Variants in SLC24A3 observed in about 807,000 individuals in gnomAD.
SLC24A3 encodes the protein solute carrier family 24 member 3.
Under a neutral mutation model 75.8 loss-of-function variants are expected in SLC24A3, and 28 were observed. That is an observed-to-expected ratio of 0.37 (90% CI 0.27 to 0.51). The LOEUF (loss-of-function observed/expected upper bound fraction) is 0.51, where lower values mean the gene tolerates loss of function less well. Among genes scored for constraint, SLC24A3 ranks in the 20% least tolerant of loss-of-function variants. The pLI is 0.94. For synonymous variants in SLC24A3, 372 were observed against 334.1 expected (o/e 1.11, Z -1.24); for missense variants, 663 against 847.8 (o/e 0.78, Z 2.71).
At position 19,696,880 on chromosome 20, in the gene SLC24A3, C is replaced by T; in HGVS notation, c.1575C>T (p.Asp525=). 6.2e-7 allele frequency: 1 copy of T among 1,611,580 alleles called. No individual in the cohort carries two copies. The highest frequency in any genetic ancestry group is 8.5e-7 in the Non-Finnish European group (1 of 1,178,920). The change falls in exon 14 of 17, where the codon GAC becomes GAT. Residue 525 remains aspartate, a synonymous_variant. Transcript: ENST00000328041. The part of the protein sequence containing the change: ...TFLAAGTSVP[D]CMASLIVARQ... ...TGGCTGCTGGGACCAGCGTGCCTGA[C>T]TGCATGGCCAGCCTCATTGTGGCCA... is the stretch of plus-strand genomic sequence containing the variant.
chr20:19,700,656 A>G (rs2032860081), intron 15 of SLC24A3, among the ~76,000 whole-genome samples: 1 of 152,196 alleles, frequency 6.6e-6, no homozygotes, highest in South Asian at 2.1e-4. Flanking sequence ...TCTCTAGGTT[A>G]CTTTGTATAG....
intron 2 of SLC24A3, among the ~76,000 whole-genome samples, chr20:19,509,219 G>A (rs753710154): frequency 3.3e-5 from 5 of 152,164 alleles, no homozygotes; most frequent in Non-Finnish European, 7.3e-5. Flanking sequence ...ATCTGGACCC[G>A]AGCCTGATTC....
At chr20:19,217,725 C>T (rs927827099) in intron 1 of SLC24A3, among the ~76,000 whole-genome samples, 4 of 152,152 alleles carry the variant, frequency 2.6e-5, no homozygotes, top group African/African-American at 9.7e-5. Context: ...TCTTCTATTT[C>T]CATGCATCCC....
intron 2 of SLC24A3, among the ~76,000 whole-genome samples, chr20:19,415,437 G>T (rs549627917): frequency 6.6e-6 from 1 of 152,072 alleles, no homozygotes; most frequent in Non-Finnish European, 1.5e-5. Flanking sequence ...CCACTCTCCC[G>T]CATGTCTATA....
Position 19,580,055 on chromosome 20 carries a change from C to G in SLC24A3, c.404C>G (p.Ser135Cys), listed in dbSNP as rs1568662092. The G allele has an allele frequency of 6.2e-7, 1 of 1,613,832 alleles. No homozygotes were observed. ...AIVCDDFFVPSLEKICERLHL... is the reference protein window; with the variant it reads ...AIVCDDFFVPCLEKICERLHL... The stretch of plus-strand genomic sequence containing the variant: ...GTGTGTGATGACTTCTTCGTCCCTT[C>G]CTTGGAAAAGATCTGTGAGGTACGT... Residue 135 changes from serine (S) to cysteine (C), a missense_variant, in exon 4 of 17, where the codon TCC (serine) becomes TGC (cysteine). Transcript: ENST00000328041.
chr20:19,547,653 G>T (rs984325635), intron 3 of SLC24A3, among the ~76,000 whole-genome samples: 5 of 152,242 alleles, frequency 3.3e-5, no homozygotes, highest in Non-Finnish European at 7.3e-5. Flanking sequence ...AAAGAGATGT[G>T]CACTATCAGC....
chr20:19,640,338 A>G (rs2032061464), intron 6 of SLC24A3, among the ~76,000 whole-genome samples: 1 of 152,226 alleles, frequency 6.6e-6, no homozygotes, highest in Non-Finnish European at 1.5e-5. Context: ...GAGAAATTTT[A>G]AGAATGCTGA....
chr20:19,590,732 T>C (rs2031363383), intron 6 of SLC24A3, among the ~76,000 whole-genome samples: 2 of 152,174 alleles, frequency 1.3e-5, no homozygotes, highest in Non-Finnish European at 2.9e-5. Flanking sequence ...CCAGTAAAAC[T>C]GGGTTTCTCC....
At chr20:19,320,102 C>T (rs1984673907) in intron 2 of SLC24A3, among the ~76,000 whole-genome samples, 1 of 152,190 alleles carries the variant, frequency 6.6e-6, no homozygotes, top group South Asian at 2.1e-4. Flanking sequence ...AAGGCTGTGC[C>T]TGGAGCCCAG....
intron 3 of SLC24A3, among the ~76,000 whole-genome samples, chr20:19,579,017 C>T (rs915663679): frequency 6.6e-6 from 1 of 152,146 alleles, no homozygotes; most frequent in African/African-American, 2.4e-5. Context: ...AAAAGCCTTT[C>T]CTGCTCTCTA....
At chr20:19,262,416 A>AC (rs2122196941) in intron 1 of SLC24A3, among the ~76,000 whole-genome samples, 1 of 151,600 alleles carries the variant, frequency 6.6e-6, no homozygotes, top group East Asian at 1.9e-4. Context: ...AAAAAAAAAA[A>AC]AAAAAAAAAA....
intron 3 of SLC24A3, among the ~76,000 whole-genome samples, chr20:19,578,042 C>A (rs2031166158): frequency 6.6e-6 from 1 of 152,146 alleles, no homozygotes; most frequent in Admixed American, 6.5e-5. Context: ...TCATACAAAG[C>A]AGGGACCCTG....
intron 6 of SLC24A3, among the ~76,000 whole-genome samples, chr20:19,622,317 T>C (rs1411281515): frequency 6.6e-6 from 1 of 152,136 alleles, no homozygotes; most frequent in Non-Finnish European, 1.5e-5. Context: ...GGCTAACCTG[T>C]GGAGAGCTCA....
At chr20:19,215,236 A>C (rs1410095277) in intron 1 of SLC24A3, among the ~76,000 whole-genome samples, 1 of 152,214 alleles carries the variant, frequency 6.6e-6, no homozygotes, top group Non-Finnish European at 1.5e-5. Flanking sequence ...CACACTACCT[A>C]GTGGTCCTTT....
chr20:19,325,795 T>TATATATATATATATATAG (rs1251419875), intron 2 of SLC24A3, among the ~76,000 whole-genome samples: 2 of 67,782 alleles, frequency 3.0e-5, no homozygotes, highest in Non-Finnish European at 5.6e-5. Context: ...TATATATATA[T>TATATATATATATATATAG]AGAGAGAGAG....
At chr20:19,653,600 C>T (rs1424049513) in intron 6 of SLC24A3, among the ~76,000 whole-genome samples, 1 of 152,180 alleles carries the variant, frequency 6.6e-6, no homozygotes, top group African/African-American at 2.4e-5. Flanking sequence ...TAGGATTGCT[C>T]CTCCTATCCC....
intron 2 of SLC24A3, among the ~76,000 whole-genome samples, chr20:19,470,492 C>T (rs568929202): frequency 6.6e-6 from 1 of 152,156 alleles, no homozygotes; most frequent in South Asian, 2.1e-4. Flanking sequence ...ATATGGATGA[C>T]ATCAGAGTCT....
chr20:19,473,114 C>G (rs1987902743), intron 2 of SLC24A3, among the ~76,000 whole-genome samples: 1 of 152,186 alleles, frequency 6.6e-6, no homozygotes, highest in Admixed American at 6.5e-5. Context: ...CCTGAACCCC[C>G]AGAACCCTAG....
chr20:19,375,418 G>A (rs765044871), intron 2 of SLC24A3, among the ~76,000 whole-genome samples: 1 of 152,198 alleles, frequency 6.6e-6, no homozygotes, highest in Non-Finnish European at 1.5e-5. Flanking sequence ...GCACGGATCA[G>A]CACTGTGTTT....
Sources: allele counts gnomAD v4.1 joint callset (sites outside exome capture counted in the v4.1 genomes callset), GRCh38; gene constraint gnomAD v4.1.1; transcripts MANE v1.5; gene names NCBI Gene and HGNC (gene_info 2026-07-23, HGNC 2026-07-21).